The following TMC5 variants were observed in gnomAD, a reference collection of about 807,000 sequenced individuals.
TMC5 encodes transmembrane channel-like protein 5.
TMC5 carries 86 observed loss-of-function variants against 110.5 expected under a neutral mutation model. The ratio of observed to expected loss-of-function variants is 0.78; its 90% confidence interval spans 0.65 to 0.93. TMC5 has a LOEUF of 0.93. Among genes scored for constraint, TMC5 ranks in the 40% least tolerant of loss-of-function variants. TMC5 has a pLI of 0.00. For missense variants in TMC5, 1,144 were observed against 1,222.8 expected (o/e 0.94, Z 0.96); for synonymous variants, 455 against 439.5 (o/e 1.04, Z -0.44).
intron 1 of TMC5, among the ~76,000 whole-genome samples, chr16:19,419,499 G>T (rs868699048): frequency 1.6e-5 from 2 of 128,186 alleles, no homozygotes; most frequent in East Asian, 2.7e-4. Context: ...TGCAAGCTCC[G>T]CCTCCCAGGT....
intron 4 of TMC5, among the ~76,000 whole-genome samples, chr16:19,447,141 G>A (rs968375470): frequency 3.9e-5 from 6 of 152,082 alleles, no homozygotes; most frequent in Admixed American, 6.6e-5. Context: ...TTCTTCTTAC[G>A]GGTCTGCAAG....
At chr16:19,482,904 G>C (rs1968652406) in intron 15 of TMC5, among the ~76,000 whole-genome samples, 1 of 151,928 alleles carries the variant, frequency 6.6e-6, no homozygotes, top group Admixed American at 6.6e-5. Flanking sequence ...TTTTGAGACA[G>C]AGTCTTGCTC....
At chr16:19,493,463 C>CTCTTTTTCTCTCTCTT (rs1968968695) in intron 19 of TMC5, among the ~76,000 whole-genome samples, 1 of 58,018 alleles carries the variant, frequency 1.7e-5, no homozygotes, top group Non-Finnish European at 3.8e-5. Flanking sequence ...CTCTCTCTCT[C>CTCTTTTTCTCTCTCTT]TCTTTTTTTT....
At chr16:19,434,485 T>TAGAG (rs1567300778) in intron 2 of TMC5, among the ~76,000 whole-genome samples, 1 of 75,812 alleles carries the variant, frequency 1.3e-5, no homozygotes. Flanking sequence ...GATAGATAGA[T>TAGAG]AGATAGATAT....
chr16:19,479,484 T>C lies in TMC5; in HGVS notation c.2223T>C (p.Phe741=). The part of the protein sequence containing the change: ...QDIYRLLLMD[F]VFSLVNSFLG... ...TCTACCGGCTCCTTCTGATGGATTTTGTGTTCTCTTTAGTCAATTCCTTCC... is the reference window on the plus strand; with the variant it reads ...TCTACCGGCTCCTTCTGATGGATTTCGTGTTCTCTTTAGTCAATTCCTTCC... The change falls in exon 14 of 22, where the codon TTT becomes TTC. Residue 741 remains phenylalanine, a synonymous_variant. Transcript: ENST00000542583. The C allele has an allele frequency of 6.2e-7, 1 of 1,614,146 alleles. No homozygotes were observed. Among genetic ancestry groups the C allele is most frequent in the Non-Finnish European group, 8.5e-7 (1 of 1,180,002 alleles).
At chr16:19,423,922 T>C (rs1357145825) in intron 1 of TMC5, among the ~76,000 whole-genome samples, 1 of 152,140 alleles carries the variant, frequency 6.6e-6, no homozygotes, top group East Asian at 1.9e-4. Context: ...TGGTTAATTG[T>C]TTTTTATTTT....
chr16:19,424,111 G>A (rs1967041334), intron 1 of TMC5, among the ~76,000 whole-genome samples: 1 of 152,078 alleles, frequency 6.6e-6, no homozygotes, highest in African/African-American at 2.4e-5. Flanking sequence ...GAACCCACAG[G>A]TTAAGGGCTC....
chr16:19,441,028 G>C (rs937429196), intron 3 of TMC5, among the ~76,000 whole-genome samples: 1 of 152,094 alleles, frequency 6.6e-6, no homozygotes, highest in Non-Finnish European at 1.5e-5. Flanking sequence ...GCCCTTACTT[G>C]AACTTAATCT....
intron 5 of TMC5, among the ~76,000 whole-genome samples, chr16:19,456,214 A>ATAT (rs1464475547): frequency 6.3e-5 from 9 of 142,814 alleles, no homozygotes; most frequent in African/African-American, 2.5e-4. Flanking sequence ...CTCAAAAAAA[A>ATAT]AAATATATAT....
chr16:19,436,290 G>GAAAA (rs1967346934), intron 2 of TMC5, among the ~76,000 whole-genome samples: 2 of 59,624 alleles, frequency 3.4e-5, no homozygotes, highest in East Asian at 5.6e-4. Flanking sequence ...AAAAAGAAAG[G>GAAAA]AAAAAGAAAA....
intron 12 of TMC5, among the ~76,000 whole-genome samples, chr16:19,475,805 T>TC (rs1297186123): frequency 1.4e-4 from 21 of 146,154 alleles, no homozygotes; most frequent in Admixed American, 7.5e-4. Context: ...TTTCTTTCTT[T>TC]TTTTTTTTTT....
chr16:19,465,050 T>G (rs1403604245), intron 8 of TMC5, among the ~76,000 whole-genome samples: 1 of 103,510 alleles, frequency 9.7e-6, no homozygotes, highest in African/African-American at 5.2e-5. Flanking sequence ...TTTCTTTCTT[T>G]CTTTCTTTTC....
rs374941513 is a variant in TMC5, at chr16:19,494,384, C to T, written c.2931+18C>T. 5.8e-5 allele frequency: 93 copies of T among 1,598,610 alleles called. No individual in the cohort carries two copies. The highest frequency in any genetic ancestry group is 7.8e-5 in the Non-Finnish European group (91 of 1,168,794). ...AGGTGGAGGTGAGTCTGGAGGCTGC[C>T]TTGGGGACCCCTGGGACACGAGCTT... On this transcript the variant is annotated intron_variant, in intron 20 of 21. Transcript: ENST00000542583.
intron 6 of TMC5, chr16:19,462,534 G>C: frequency 1.4e-6 from 1 of 702,150 alleles, no homozygotes; most frequent in Non-Finnish European, 2.6e-6. Context: ...GACAGAGGAC[G>C]AAGGAAGAGC....
chr16:19,422,621 C>G (rs1329326179), intron 1 of TMC5, among the ~76,000 whole-genome samples: 3 of 152,042 alleles, frequency 2.0e-5, no homozygotes, highest in African/African-American at 7.2e-5. Flanking sequence ...CTCTTGAGCC[C>G]AGGCATTAGA....
intron 2 of TMC5, among the ~76,000 whole-genome samples, chr16:19,437,857 C>T (rs2143450435): frequency 6.6e-6 from 1 of 152,256 alleles, no homozygotes; most frequent in Admixed American, 6.5e-5. Context: ...TCCCCTTAGC[C>T]ACCCCAGTGA....
intron 1 of TMC5, among the ~76,000 whole-genome samples, chr16:19,426,980 G>T (rs750667126): frequency 2.6e-5 from 4 of 152,064 alleles, no homozygotes; most frequent in Non-Finnish European, 5.9e-5. Context: ...GGTCTTCCTG[G>T]GACTGATGGG....
Position 19,440,509 on chromosome 16 carries a change from C to A in TMC5, c.471C>A (p.Gly157=). The change falls in exon 3 of 22, where the codon GGC becomes GGA. Residue 157 remains glycine (G), a synonymous_variant. Transcript: ENST00000542583. ...AGSRTHPDHF[G]SLEPDYPGAQ... ...CCAGAACACATCCAGATCATTTTGG[C>A]TCCTTAGAACCGGACTACCCTGGAG... 1 of 1,614,152 alleles carries A rather than the reference C, an allele frequency of 6.2e-7. No individual in the cohort carries two copies.
intron 1 of TMC5, among the ~76,000 whole-genome samples, chr16:19,424,485 C>T (rs1355024439): frequency 1.3e-5 from 2 of 151,980 alleles, no homozygotes; most frequent in Non-Finnish European, 2.9e-5. Context: ...AACCCGTCTA[C>T]AAAAAATACG....
Sources: gnomAD v4.1 joint callset for allele counts (sites outside exome capture counted in the v4.1 genomes callset) on GRCh38, gnomAD v4.1.1 for gene constraint, MANE v1.5 for transcripts, NCBI Gene and HGNC (gene_info 2026-07-23, HGNC 2026-07-21) for gene names.